Variants in XRCC4 observed in about 807,000 individuals in gnomAD.
XRCC4 encodes DNA repair protein XRCC4.
A neutral mutation model predicts 39.1 loss-of-function variants in XRCC4; 28 were observed. The ratio of observed to expected loss-of-function variants is 0.72; its 90% CI spans 0.53 to 0.98. The LOEUF (loss-of-function observed/expected upper bound fraction) is 0.98. Among genes scored for constraint, XRCC4 ranks in the 50% least tolerant of loss-of-function variants. XRCC4 has a pLI of 0.00. For synonymous variants in XRCC4, 123 were observed against 126.4 expected (o/e 0.97, Z 0.18); for missense variants, 350 against 376.4 (o/e 0.93, Z 0.58).
intron 3 of XRCC4, among the ~76,000 whole-genome samples, chr5:83,181,053 C>CTTT (rs374001978): frequency 0.017 from 2,434 of 139,346 alleles, 43 homozygotes; most frequent in East Asian, 0.075. Context: ...TTTAAACTTT[C>CTTT]TTTTTTTTTT....
chr5:83,247,663 A>G (rs1753159292), intron 6 of XRCC4, among the ~76,000 whole-genome samples: 1 of 152,204 alleles, frequency 6.6e-6, no homozygotes, highest in Non-Finnish European at 1.5e-5. Context: ...GTTTTAGATA[A>G]TTGAAAACCT....
In XRCC4 at chr5:83,139,834, T is replaced by C. The variant is rs28383162; in HGVS notation, c.315+28631T>C. Among the ~76,000 whole-genome samples, 212 of 152,320 alleles carry C rather than the reference T, an allele frequency of 1.4e-3. 1 individual carries two copies. The highest frequency in any genetic ancestry group is 5.1e-3 in the African/African-American group (210 of 41,574). ...GTAAAAATAAGGTATTATAATCTTA[T>C]GGGACTACGCTTTTCCTTGTTGACT... is the stretch of plus-strand genomic sequence containing the variant. On this transcript the variant is annotated intron_variant, in intron 3 of 7. Coordinates refer to ENST00000396027, the MANE Select transcript of XRCC4 (RefSeq NM_003401.5).
chr5:83,152,240 TTTAAA>T lies in XRCC4; in HGVS notation c.315+41041_315+41045del, dbSNP rs573466524. Reference sequence around the variant, plus strand: ...AATTAAAAAGATATAGCCAAACTTTTTTAAATTAGTGTTTAAGGTTTTTTAGGCAA... The same window carrying T: ...AATTAAAAAGATATAGCCAAACTTTTTTAGTGTTTAAGGTTTTTTAGGCAA... On this transcript the variant is annotated intron_variant, in intron 3 of 7. Transcript: ENST00000396027. Among the ~76,000 whole-genome samples, 285 of 152,384 alleles carry T rather than the reference TTTAAA, an allele frequency of 1.9e-3. 4 individuals are homozygous for T. Among genetic ancestry groups the T allele is most frequent in the African/African-American group, 6.5e-3 (269 of 41,594 alleles).
chr5:83,329,266 A>G (rs953987171), intron 7 of XRCC4, among the ~76,000 whole-genome samples: 2 of 152,152 alleles, frequency 1.3e-5, no homozygotes, highest in Non-Finnish European at 2.9e-5. Flanking sequence ...GTGCAACCCC[A>G]CAAAAGAAAA....
intron 3 of XRCC4, among the ~76,000 whole-genome samples, chr5:83,170,109 A>T (rs1421429777): frequency 2.0e-5 from 3 of 152,184 alleles, no homozygotes; most frequent in Non-Finnish European, 4.4e-5. Flanking sequence ...TTATGAAGGC[A>T]TTTGATTCAG....
chr5:83,121,484 A>G (rs898058550), intron 3 of XRCC4, among the ~76,000 whole-genome samples: 2 of 152,124 alleles, frequency 1.3e-5, no homozygotes, highest in Non-Finnish European at 2.9e-5. Flanking sequence ...TGGGTGTGTG[A>G]CCATGTCTCA....
At chr5:83,325,030 C>A (rs993934850) in intron 7 of XRCC4, among the ~76,000 whole-genome samples, 1 of 152,064 alleles carries the variant, frequency 6.6e-6, no homozygotes, top group South Asian at 2.1e-4. Context: ...AACAATGTAG[C>A]ACAATCCCAT....
At chr5:83,132,617 TC>T (rs1171695816) in intron 3 of XRCC4, among the ~76,000 whole-genome samples, 2 of 152,252 alleles carry the variant, frequency 1.3e-5, no homozygotes, top group African/African-American at 4.8e-5. Context: ...TCTTCTCACT[TC>T]ATTTCATCCA....
intron 7 of XRCC4, among the ~76,000 whole-genome samples, chr5:83,262,078 T>A (rs971157918): frequency 6.6e-6 from 1 of 152,130 alleles, no homozygotes; most frequent in Non-Finnish European, 1.5e-5. Flanking sequence ...GAGAGAGAGA[T>A]ATAAAAATAA....
Position 83,164,997 on chromosome 5 carries a change from A to G in XRCC4, c.316-30773A>G, listed in dbSNP as rs574588645. Among the ~76,000 whole-genome samples, 319 of 152,064 alleles carry G rather than the reference A, an allele frequency of 2.1e-3. 2 individuals carry two copies. The highest frequency in any genetic ancestry group is 3.4e-3 in the Non-Finnish European group (231 of 67,926). ...TTTAAATAAAATATTTTTCTCTTCAAGCTTCTAATAATGTTAAATGTTAAA... is the reference window on the plus strand; with the variant it reads ...TTTAAATAAAATATTTTTCTCTTCAGGCTTCTAATAATGTTAAATGTTAAA... On this transcript the variant is annotated intron_variant, in intron 3 of 7. Coordinates refer to ENST00000396027, the MANE Select transcript of XRCC4 (RefSeq NM_003401.5).
At chr5:83,244,450 A>G (rs751170814) in intron 6 of XRCC4, among the ~76,000 whole-genome samples, 2 of 152,118 alleles carry the variant, frequency 1.3e-5, no homozygotes, top group East Asian at 1.9e-4. Flanking sequence ...ATCTCTTACT[A>G]TATGTGACAT....
chr5:83,363,500 ACT>A, the XRCC4 span, among the ~76,000 whole-genome samples: 1 of 151,902 alleles, frequency 6.6e-6, no homozygotes, highest in African/African-American at 2.4e-5. Flanking sequence ...ACGCACTCAG[ACT>A]CTCCTATTTC....
chr5:83,344,415 CTTTTTTT>C (rs70973394), intron 7 of XRCC4, among the ~76,000 whole-genome samples: 34,100 of 114,930 alleles, frequency 0.3, 3,687 homozygotes, highest in Middle Eastern at 0.43. Context: ...TTATTTTTCA[CTTTTTTT>C]TTTTTTTTTT....
chr5:83,299,772 G>A (rs927586090), intron 7 of XRCC4, among the ~76,000 whole-genome samples: 1 of 151,990 alleles, frequency 6.6e-6, no homozygotes, highest in Non-Finnish European at 1.5e-5. Flanking sequence ...CATTTTTATA[G>A]TTTCCTGTTA....
intron 6 of XRCC4, among the ~76,000 whole-genome samples, chr5:83,237,236 T>C (rs917507393): frequency 4.6e-5 from 7 of 152,124 alleles, no homozygotes; most frequent in Non-Finnish European, 1.0e-4. Context: ...AATAAATCAG[T>C]ATATCAAAGT....
At chr5:83,203,447 A>T (rs543465895) in intron 4 of XRCC4, 105 bp from the exon 5 acceptor site, 1 of 993,380 alleles carries the variant, frequency 1.0e-6, no homozygotes, top group East Asian at 2.9e-5. Flanking sequence ...TGTGAAAATA[A>T]TCTTTAATTG....
intron 7 of XRCC4, among the ~76,000 whole-genome samples, chr5:83,302,036 A>G (rs563517701): frequency 3.0e-4 from 45 of 152,252 alleles, no homozygotes; most frequent in African/African-American, 1.0e-3. Context: ...CTCAAGCCTC[A>G]GTAATGGCAG....
intron 6 of XRCC4, among the ~76,000 whole-genome samples, chr5:83,205,747 A>G (rs1751395039): frequency 6.6e-6 from 1 of 152,092 alleles, no homozygotes; most frequent in Non-Finnish European, 1.5e-5. Flanking sequence ...TAAATATAAA[A>G]TATGTTAGGT....
At chr5:83,279,538 A>G (rs1460686020) in intron 7 of XRCC4, among the ~76,000 whole-genome samples, 1 of 152,206 alleles carries the variant, frequency 6.6e-6, no homozygotes, top group African/African-American at 2.4e-5. Flanking sequence ...GGCAGGCCCT[A>G]TCACAATAAG....
Sources: gnomAD v4.1 joint callset for allele counts (sites outside exome capture counted in the v4.1 genomes callset) on GRCh38, gnomAD v4.1.1 for gene constraint, MANE v1.5 for transcripts, NCBI Gene and HGNC (gene_info 2026-07-23, HGNC 2026-07-21) for gene names.